The following UNC13C variants were observed in gnomAD, a reference collection of about 807,000 sequenced individuals.
The protein encoded by UNC13C is protein unc-13 homolog C.
UNC13C carries 174 observed loss-of-function variants against 245.4 expected under a neutral mutation model. The ratio of observed to expected loss-of-function variants is 0.71; its 90% CI spans 0.63 to 0.80. The LOEUF (loss-of-function observed/expected upper bound fraction) is 0.80, where lower values mean the gene tolerates loss of function less well. UNC13C is among the 30% of genes least tolerant of loss of function. UNC13C has a pLI of 0.00. For synonymous variants in UNC13C, 992 were observed against 895.1 expected (o/e 1.11, Z -1.93); for missense variants, 2,829 against 2,602.9 (o/e 1.09, Z -1.89).
At chr15:53,928,629 C>T in the UNC13C span, among the ~76,000 whole-genome samples, 2 of 152,140 alleles carry the variant, frequency 1.3e-5, no homozygotes, top group Non-Finnish European at 2.9e-5. Flanking sequence ...CCTGGAAGGA[C>T]ATTTGAATAT....
At chr15:53,857,022 C>T in the UNC13C span, among the ~76,000 whole-genome samples, 1 of 152,076 alleles carries the variant, frequency 6.6e-6, no homozygotes, top group South Asian at 2.1e-4. Flanking sequence ...GAACCCTTCA[C>T]CCTCACCTCG....
chr15:53,924,440 T>A, the UNC13C span, among the ~76,000 whole-genome samples: 2 of 152,210 alleles, frequency 1.3e-5, no homozygotes, highest in Non-Finnish European at 2.9e-5. Context: ...AATAAATAGC[T>A]AAATGTTTAT....
At chr15:53,912,216 A>G in the UNC13C span, 2 of 152,236 alleles carry the variant, frequency 1.3e-5, no homozygotes. Context: ...AGGAGGGGCA[A>G]GACAATGTTG....
chr15:54,328,356 T>C (rs1222052045), intron 14 of UNC13C, among the ~76,000 whole-genome samples: 1 of 152,120 alleles, frequency 6.6e-6, no homozygotes, highest in Admixed American at 6.5e-5. Context: ...AAAGTCTTTC[T>C]TAATGAATTG....
intron 4 of UNC13C, among the ~76,000 whole-genome samples, chr15:54,221,520 T>G (rs2035226255): frequency 1.3e-5 from 2 of 151,668 alleles, no homozygotes; most frequent in Admixed American, 6.6e-5. Context: ...AAAATGCAAA[T>G]AGGTTTTCAT....
intron 4 of UNC13C, among the ~76,000 whole-genome samples, chr15:54,172,428 A>T (rs1485029156): frequency 6.6e-6 from 1 of 151,638 alleles, no homozygotes; most frequent in African/African-American, 2.4e-5. Flanking sequence ...CTTGAATTTT[A>T]TATGAATGAG....
chr15:54,612,495 G>C (rs991434618), intron 30 of UNC13C, among the ~76,000 whole-genome samples: 11 of 151,860 alleles, frequency 7.2e-5, no homozygotes, highest in Non-Finnish European at 1.6e-4. Context: ...TTGTTTTTAA[G>C]TTTGTGATTT....
intron 1 of UNC13C, among the ~76,000 whole-genome samples, chr15:53,981,542 A>G (rs939941749): frequency 6.6e-6 from 1 of 152,124 alleles, no homozygotes; most frequent in Non-Finnish European, 1.5e-5. Context: ...TCAAATTTGT[A>G]TTTCTGTTGT....
At chr15:54,626,665 C>G (rs11852668) in intron 32 of UNC13C, among the ~76,000 whole-genome samples, 163 bp from the exon 33 acceptor site, 4 of 151,820 alleles carry the variant, frequency 2.6e-5, no homozygotes, top group Non-Finnish European at 5.9e-5. Context: ...TTTTAACATT[C>G]GCTTTCTAAG....
At chr15:54,512,471 T>C (rs1596496464) in intron 24 of UNC13C, 1 of 425,702 alleles carries the variant, frequency 2.3e-6, no homozygotes, top group East Asian at 7.3e-5. Context: ...CTTATTCCCA[T>C]TTGCTTGTTT....
At chr15:54,620,828 C>G (rs1456761365) in intron 30 of UNC13C, among the ~76,000 whole-genome samples, 1 of 151,014 alleles carries the variant, frequency 6.6e-6, no homozygotes, top group Non-Finnish European at 1.5e-5. Context: ...AGGCTATAAT[C>G]ATGCCTTCAG....
intron 19 of UNC13C, among the ~76,000 whole-genome samples, chr15:54,464,351 A>G (rs1892052043): frequency 6.6e-6 from 1 of 152,172 alleles, no homozygotes; most frequent in Non-Finnish European, 1.5e-5. Flanking sequence ...CCTGGAATAG[A>G]GAAAACTTTC....
At chr15:53,866,853 C>A in the UNC13C span, among the ~76,000 whole-genome samples, 151 of 152,220 alleles carry the variant, frequency 9.9e-4, no homozygotes, top group Admixed American at 4.1e-3. Flanking sequence ...GAACACAGAA[C>A]CAAAAATATG....
At chr15:54,049,196 T>G (rs990676788) in intron 2 of UNC13C, 12 of 468,188 alleles carry the variant, frequency 2.6e-5, no homozygotes, top group African/African-American at 2.3e-4. Context: ...AGAAAAAGAT[T>G]ATTTTTTCAT....
In UNC13C at chr15:54,185,833, G is replaced by T. The variant is rs2033961729; in HGVS notation, c.3071+42149G>T. On this transcript the variant is annotated intron_variant, in intron 4 of 32. Coordinates refer to ENST00000260323, the MANE Select transcript of UNC13C (RefSeq NM_001080534.3). The stretch of plus-strand genomic sequence containing the variant: ...AAGTCACTGGTAGCTTGATGGGGAT[G>T]GCATTGAATCTATAAATTACCTTGG... 4.3e-5 allele frequency among the ~76,000 whole-genome samples: 6 copies of T among 138,816 alleles called. No homozygotes were observed. In the South Asian group the frequency reaches 1.1e-3, roughly 26 times the overall value. The allele number at this position is 138,816 out of a possible 152,430, so 91.1% of individuals were successfully genotyped here.
chr15:53,838,162 C>G, the UNC13C span, among the ~76,000 whole-genome samples: 9 of 151,968 alleles, frequency 5.9e-5, no homozygotes, highest in Non-Finnish European at 1.2e-4. Flanking sequence ...ATTTATGAGT[C>G]AATTTGGGAA....
intron 19 of UNC13C, among the ~76,000 whole-genome samples, chr15:54,429,376 C>T (rs532983920): frequency 2.0e-5 from 3 of 151,680 alleles, no homozygotes; most frequent in Non-Finnish European, 3.0e-5. Flanking sequence ...TATTTTTCCA[C>T]GTCTTTATCT....
At position 54,253,393 on chromosome 15, in the gene UNC13C, T is replaced by A. The variant is rs150479767; in HGVS notation, c.3448+2949T>A. ...CTAGCTAATTGTACTTGATGGTAGT[T>A]CATAGATTTTACCACCTTCTTGGCC... On this transcript the variant is annotated intron_variant, in intron 8 of 32. Transcript: ENST00000260323. 4.1e-3 allele frequency among the ~76,000 whole-genome samples: 618 copies of A among 152,282 alleles called. 5 individuals carry two copies. Among genetic ancestry groups the A allele is most frequent in the African/African-American group, 0.014 (586 of 41,560 alleles).
the UNC13C span, among the ~76,000 whole-genome samples, chr15:53,934,916 A>G: frequency 4.6e-5 from 7 of 152,164 alleles, no homozygotes; most frequent in Non-Finnish European, 1.0e-4. Context: ...AAGGTCCCAC[A>G]TCCTAATATC....
Sources: gnomAD v4.1 joint callset for allele counts (sites outside exome capture counted in the v4.1 genomes callset) on GRCh38, gnomAD v4.1.1 for gene constraint, MANE v1.5 for transcripts, NCBI Gene and HGNC (gene_info 2026-07-23, HGNC 2026-07-21) for gene names.